The following PCNT variants were observed in gnomAD, a reference collection of about 807,000 sequenced individuals.
PCNT encodes the protein pericentrin.
PCNT carries 319 observed loss-of-function variants against 380.4 expected under a neutral mutation model. The observed-to-expected ratio is 0.84, with a 90% confidence interval of 0.77 to 0.92. PCNT has a LOEUF of 0.92. Ranked by LOEUF, PCNT falls within the 40% of genes least tolerant of loss-of-function variation. The pLI, the probability that PCNT is intolerant of heterozygous loss-of-function variation, is 0.00. For synonymous variants in PCNT, 1,845 were observed against 1,735.2 expected, an observed-to-expected ratio of 1.06 and a Z score of -1.57; for missense variants, 4,400 against 4,255.3, an observed-to-expected ratio of 1.03 and a Z score of -0.95.
rs777574269 is a variant in PCNT, at chr21:46,432,056, G to A, written c.8592G>A (p.Glu2864=). The change falls in exon 38 of 47, where the codon GAG becomes GAA. Residue 2864 remains glutamate (E), a synonymous_variant. Coordinates refer to ENST00000359568, the MANE Select transcript of PCNT (RefSeq NM_006031.6). ...AGCTGAGATGCTCTCTGGAGAGAGA[G>A]AGGGAGAAACCAGCGTGGTTGCAGG... ...KRELRCSLER[E]REKPAWLQAE... 2 of 1,614,054 alleles carry A rather than the reference G, an allele frequency of 1.2e-6. No homozygotes were observed. Among genetic ancestry groups the A allele is most frequent in the Non-Finnish European group, 1.7e-6 (2 of 1,180,044 alleles).
chr21:46,428,601 C>G lies in PCNT; in HGVS notation c.7690+11C>G. 1 of 1,586,052 alleles carries G rather than the reference C, an allele frequency of 6.3e-7. No individual in the cohort carries two copies. Among genetic ancestry groups the G allele is most frequent in the Non-Finnish European group, 8.5e-7 (1 of 1,173,152 alleles). Reference sequence around the variant, plus strand: ...AGCTGCGCAGGCAGGGTGGGTGTCACTGTCTACACTGCCTGGGGCCCGGCC... The same window carrying G: ...AGCTGCGCAGGCAGGGTGGGTGTCAGTGTCTACACTGCCTGGGGCCCGGCC... On this transcript the variant is annotated intron_variant, in intron 35 of 46. Coordinates refer to ENST00000359568, the MANE Select transcript of PCNT (RefSeq NM_006031.6).
intron 25 of PCNT, among the ~76,000 whole-genome samples, chr21:46,400,588 G>GAGTGCAGTGGTGCAATCTCA (rs2086389399): frequency 6.9e-6 from 1 of 145,504 alleles, no homozygotes; most frequent in Admixed American, 7.1e-5. Flanking sequence ...GCGCAATCTC[G>GAGTGCAGTGGTGCAATCTCA]GCTCACAGCA....
At chr21:46,440,290 A>G (rs911571261) in intron 42 of PCNT, 88 bp downstream of exon 42, 10 of 1,428,324 alleles carry the variant, frequency 7.0e-6, no homozygotes, top group Non-Finnish European at 8.8e-6. Context: ...TGTGACCACA[A>G]GGTTCTCGTC....
intron 29 of PCNT, among the ~76,000 whole-genome samples, chr21:46,414,824 T>C (rs563609431): frequency 3.0e-4 from 44 of 146,348 alleles, no homozygotes; most frequent in Non-Finnish European, 5.8e-4. Flanking sequence ...CCGCCCACCC[T>C]GCTCCTCCTC....
rs1183563914 is a variant in PCNT at position 46,425,724 on chromosome 21, G to A, written c.7180-107G>A. 1.3e-6 allele frequency: 2 copies of A among 1,526,424 alleles called. No homozygotes were observed. Among genetic ancestry groups the A allele is most frequent in the Non-Finnish European group, 1.8e-6 (2 of 1,111,172 alleles). 94.6% of individuals were successfully genotyped at this position (1,526,424 alleles called of 1,614,324 possible). A position where few individuals can be genotyped will look rare whatever the true frequency, so the allele number is the denominator to read the frequency against. ...GGCGGTGCCCTCCCTCTCCACAGCT[G>A]CCCGCCCTTCACAGAGTCCTGGCGG... On this transcript the variant is annotated intron_variant, in intron 32 of 46. Transcript: ENST00000359568. This position sits in a 1 kb window ranked among gnomAD's most constrained non-coding sequence, Gnocchi z 4.2.
chr21:46,368,429 C>T (rs1295773420), intron 15 of PCNT, among the ~76,000 whole-genome samples: 1 of 151,248 alleles, frequency 6.6e-6, no homozygotes, highest in Admixed American at 6.6e-5. Flanking sequence ...GCCTGGGAGA[C>T]AGAGCAAGAC....
intron 17 of PCNT, among the ~76,000 whole-genome samples, chr21:46,387,494 C>T (rs1410147241): frequency 1.3e-5 from 2 of 151,980 alleles, no homozygotes; most frequent in Admixed American, 6.6e-5. Context: ...GGTGAGCCCA[C>T]GGTCCCTGGA....
At chr21:46,412,215 C>G in intron 28 of PCNT, 148 bp downstream of exon 28, 1 of 916,052 alleles carries the variant, frequency 1.1e-6, no homozygotes, top group Non-Finnish European at 1.6e-6. Flanking sequence ...GCCTGAAGCT[C>G]GGGCCAGCCT....
chr21:46,362,029 T>C (rs189769154), intron 13 of PCNT, among the ~76,000 whole-genome samples: 1 of 152,352 alleles, frequency 6.6e-6, no homozygotes, highest in Non-Finnish European at 1.5e-5. Context: ...GGTTCTGTCC[T>C]GCTCCTCTGG....
rs189226150 is a variant in PCNT at position 46,366,189 on chromosome 21, G to T, written c.2610-395G>T. ...TGGGCAGTGCCCCTTCCCTGTTGAG[G>T]AGCAGAGATTACCTTGGGATTCTTG... On this transcript the variant is annotated intron_variant, in intron 14 of 46. Transcript: ENST00000359568. Among the ~76,000 whole-genome samples the T allele has an allele frequency of 3.0e-4, 46 of 152,322 alleles. 1 individual carries two copies. The highest frequency in any genetic ancestry group is 2.3e-3 in the Admixed American group (35 of 15,308).
chr21:46,328,155 A>T (rs2083447226), intron 2 of PCNT, among the ~76,000 whole-genome samples: 1 of 152,168 alleles, frequency 6.6e-6, no homozygotes, highest in Non-Finnish European at 1.5e-5. Flanking sequence ...TACTTAAAAA[A>T]TTGAGTTGTT....
At chr21:46,336,580 A>C (rs1470605893) in intron 3 of PCNT, among the ~76,000 whole-genome samples, 1 of 152,190 alleles carries the variant, frequency 6.6e-6, no homozygotes. Context: ...CCGCAGGCTC[A>C]TCGTGTAGGC....
Position 46,444,710 on chromosome 21 carries a change from A to G in PCNT, c.9856A>G (p.Asn3286Asp), listed in dbSNP as rs2053707709. ...TGTTTGAAGAGCCACTCCATCCCCAAATTCAAGATTAGAAAGATCCCTGAC... is the reference window on the plus strand; with the variant it reads ...TGTTTGAAGAGCCACTCCATCCCCAGATTCAAGATTAGAAAGATCCCTGAC... The part of the protein sequence containing the change: ...HSGGRATPSP[N>D]SRLERSLTAS... The change falls in exon 46 of 47, where the codon AAT becomes GAT. Residue 3286 changes from asparagine (N) to aspartate (D), a missense_variant. Coordinates refer to ENST00000359568, the MANE Select transcript of PCNT (RefSeq NM_006031.6). 1 of 1,612,430 alleles carries G rather than the reference A, an allele frequency of 6.2e-7. No individual in the cohort carries two copies. The highest frequency in any genetic ancestry group is 1.1e-5 in the South Asian group (1 of 91,044).
chr21:46,429,472 G>A (rs1181057276), intron 35 of PCNT, among the ~76,000 whole-genome samples: 1 of 151,020 alleles, frequency 6.6e-6, no homozygotes, highest in East Asian at 2.0e-4. Context: ...CTGTGCGATC[G>A]CTCGTGAGGG....
Position 46,388,954 on chromosome 21 carries a change from A to C in PCNT, c.3607+70A>C. On this transcript the variant is annotated intron_variant, in intron 18 of 46. Coordinates refer to ENST00000359568, the MANE Select transcript of PCNT (RefSeq NM_006031.6). The surrounding 1 kb of genome is among the most constrained non-coding windows in gnomAD (Gnocchi z 4.2). ...CTCTGTGGTCCTGGAGCTCTCTGAG[A>C]GGAGCCTCCGTATTGGGCGATGCCC... 6.5e-7 allele frequency: 1 copy of C among 1,535,480 alleles called. No homozygotes were observed. The highest frequency in any genetic ancestry group is 1.2e-5 in the South Asian group (1 of 84,538).
At chr21:46,325,549 C>A (rs964539655) in intron 1 of PCNT, among the ~76,000 whole-genome samples, 2 of 152,216 alleles carry the variant, frequency 1.3e-5, no homozygotes, top group African/African-American at 4.8e-5. Context: ...AGACCATTTT[C>A]TTGTGTAAAT....
chr21:46,341,274 T>C (rs1177387067), intron 3 of PCNT, among the ~76,000 whole-genome samples: 1 of 152,090 alleles, frequency 6.6e-6, no homozygotes, highest in African/African-American at 2.4e-5. Flanking sequence ...TCAGGATCTT[T>C]TTTTGGTTCC....
chr21:46,390,747 C>T lies in PCNT; in HGVS notation c.3918C>T (p.Val1306=). 4 of 1,613,500 alleles carry T rather than the reference C, an allele frequency of 2.5e-6. No homozygotes were observed. Among genetic ancestry groups the T allele is most frequent in the Non-Finnish European group, 3.4e-6 (4 of 1,179,912 alleles). ...AGAATGAGGAGACAGCACAGGTTGT[C>T]AGGAAGCACCAGGAGCTGCTGGAGT... is the stretch of plus-strand genomic sequence containing the variant. ...SFKNEETAQV[V]RKHQELLECL... Residue 1306 remains valine, a synonymous_variant, in exon 20 of 47, where the codon GTC becomes GTT. Coordinates refer to ENST00000359568, the MANE Select transcript of PCNT (RefSeq NM_006031.6).
chr21:46,377,699 T>A (rs1488677025), intron 15 of PCNT, among the ~76,000 whole-genome samples: 2 of 151,944 alleles, frequency 1.3e-5, no homozygotes. Flanking sequence ...AATAAAAAAA[T>A]TAGCCTGGCA....
Sources: gnomAD v4.1 joint callset for allele counts (sites outside exome capture counted in the v4.1 genomes callset) on GRCh38, gnomAD v4.1.1 for gene constraint, Gnocchi (gnomAD v3.1) non-coding constraint, MANE v1.5 for transcripts, NCBI Gene and HGNC (gene_info 2026-07-23, HGNC 2026-07-21) for gene names.